Variants in CCT2 observed in about 807,000 individuals in gnomAD.
CCT2 encodes T-complex protein 1 subunit beta.
CCT2 carries 18 observed loss-of-function variants against 61.8 expected under a neutral mutation model. The observed-to-expected ratio is 0.29, with a 90% CI of 0.20 to 0.43. The LOEUF is 0.43. CCT2 is among the 20% of genes least tolerant of loss of function. CCT2 has a pLI of 1.00. For missense variants in CCT2, 556 were observed against 656.9 expected (o/e 0.85, Z 1.68); for synonymous variants, 248 against 215.9 (o/e 1.15, Z -1.30).
chr12:69,586,349 G>A lies in CCT2; in HGVS notation c.78+5G>A. On this transcript the variant is annotated splice_donor_5th_base_variant and intron_variant, in intron 2 of 15. Transcript: ENST00000299300. ...AGAGCAGAGACAGCTCGTCTGGTAAGCCTTGTTCTAAGCATTGTTTTAAAG... is the reference window on the plus strand; with the variant it reads ...AGAGCAGAGACAGCTCGTCTGGTAAACCTTGTTCTAAGCATTGTTTTAAAG... The A allele has an allele frequency of 6.2e-7, 1 of 1,603,130 alleles. No homozygotes were observed. The highest frequency in any genetic ancestry group is 8.5e-7 in the Non-Finnish European group (1 of 1,170,162).
chr12:69,586,711 C>A, intron 2 of CCT2, 42 bp from the exon 3 acceptor site: 1 of 1,340,618 alleles, frequency 7.5e-7, no homozygotes, highest in Non-Finnish European at 1.0e-6. Flanking sequence ...TACTTGAAGA[C>A]TGTAAAGTTG....
chr12:69,589,698 A>G lies in CCT2; in HGVS notation c.649+11A>G, dbSNP rs776086842. ...CCTATTTAGATGAAGGTATGTATGAATGTCAGATACAAGAAGCTTTGATTA... is the reference window on the plus strand; with the variant it reads ...CCTATTTAGATGAAGGTATGTATGAGTGTCAGATACAAGAAGCTTTGATTA... On this transcript the variant is annotated intron_variant, in intron 7 of 15. Transcript: ENST00000299300. The G allele has an allele frequency of 1.3e-6, 2 of 1,599,936 alleles. No homozygotes were observed. Among genetic ancestry groups the G allele is most frequent in the African/African-American group, 2.7e-5 (2 of 74,782 alleles).
Position 69,587,920 on chromosome 12 carries a change from C to T in CCT2, c.257-10C>T. On this transcript the variant is annotated splice_polypyrimidine_tract_variant and intron_variant, in intron 4 of 15. Coordinates refer to ENST00000299300, the MANE Select transcript of CCT2 (RefSeq NM_006431.3). ...GCAATTTTGAGTTAATAACTAATTT[C>T]TTTTTCTAGATATGTCAAGGGTTCA... 1 of 1,603,444 alleles carries T rather than the reference C, an allele frequency of 6.2e-7. No homozygotes were observed. The highest frequency in any genetic ancestry group is 1.1e-5 in the South Asian group (1 of 90,608).
chr12:69,595,807 C>T (rs1881972582), intron 10 of CCT2, among the ~76,000 whole-genome samples: 1 of 151,656 alleles, frequency 6.6e-6, no homozygotes, highest in Non-Finnish European at 1.5e-5. Flanking sequence ...TTATTAAGTA[C>T]ACCAACTGTA....
intron 6 of CCT2, 124 bp downstream of exon 6, chr12:69,588,386 C>A: frequency 1.4e-6 from 1 of 691,242 alleles, no homozygotes; most frequent in Non-Finnish European, 2.5e-6. Flanking sequence ...CACCCCACTC[C>A]AACAGTCAAA....
intron 8 of CCT2, chr12:69,592,491 T>TA: frequency 1.1e-5 from 1 of 87,266 alleles, no homozygotes; most frequent in Non-Finnish European, 1.9e-5. Flanking sequence ...CTCAAAAGTC[T>TA]CAAAAAAAAA....
In CCT2 at chr12:69,589,602, C is replaced by A. The variant is rs2135851669; in HGVS notation, c.564C>A (p.Leu188=). Residue 188 remains leucine (L), a synonymous_variant, in exon 7 of 16, where the codon CTC becomes CTA. Coordinates refer to ENST00000299300, the MANE Select transcript of CCT2 (RefSeq NM_006431.3). The stretch of plus-strand genomic sequence containing the variant: ...CAAAGTTAGCTGTAGAAGCAGTTCT[C>A]AGACTGAAAGGCTCTGGCAACCTGG... ...HFTKLAVEAV[L]RLKGSGNLEA... 1.9e-6 allele frequency: 3 copies of A among 1,614,116 alleles called. No individual in the cohort carries two copies. Among genetic ancestry groups the A allele is most frequent in the Non-Finnish European group, 2.5e-6 (3 of 1,180,004 alleles).
chr12:69,592,026 TTAAA>T, intron 7 of CCT2, 29 bp from the exon 8 acceptor site: 1 of 1,192,822 alleles, frequency 8.4e-7, no homozygotes, highest in Non-Finnish European at 1.2e-6. Context: ...CTTTGAAGTA[TTAAA>T]TATGATACTG....
At chr12:69,587,352 G>A (rs938779491) in intron 3 of CCT2, among the ~76,000 whole-genome samples, 153 bp from the exon 4 acceptor site, 4 of 152,188 alleles carry the variant, frequency 2.6e-5, no homozygotes, top group Non-Finnish European at 2.9e-5. Context: ...GTTTGGTTAC[G>A]TGGTGTATGT....
chr12:69,589,888 T>G, intron 7 of CCT2: 21 of 575,874 alleles, frequency 3.6e-5, no homozygotes, highest in East Asian at 8.7e-5. Flanking sequence ...TGATGATCTC[T>G]AGAGTTTACT....
intron 14 of CCT2, 178 bp from the exon 15 acceptor site, chr12:69,599,685 C>T (rs1209487166): frequency 4.5e-6 from 2 of 444,684 alleles, no homozygotes; most frequent in Non-Finnish European, 7.8e-6. Context: ...CTGCACCCGG[C>T]CCCTTTTAAT....
At chr12:69,586,583 G>A (rs474554) in intron 2 of CCT2, among the ~76,000 whole-genome samples, 170 bp from the exon 3 acceptor site, 6 of 151,854 alleles carry the variant, frequency 4.0e-5, no homozygotes, top group Admixed American at 6.6e-5. Context: ...CAGGAGGATC[G>A]CTTGAACCCA....
At chr12:69,590,320 C>G (rs1881796785) in intron 7 of CCT2, among the ~76,000 whole-genome samples, 1 of 152,052 alleles carries the variant, frequency 6.6e-6, no homozygotes, top group Non-Finnish European at 1.5e-5. Flanking sequence ...CCTTCGTATA[C>G]TGGGGGATGA....
At chr12:69,586,667 CAA>C (rs371280517) in intron 2 of CCT2, 84 bp from the exon 3 acceptor site, 8,309 of 784,394 alleles carry the variant, frequency 0.011, no homozygotes, top group South Asian at 0.018. Flanking sequence ...CACTCTGCCT[CAA>C]AAAAAAAAAA....
rs1462274094 is a variant in CCT2 at position 69,587,570 on chromosome 12, T to C, written c.210T>C (p.Ile70=). The change falls in exon 4 of 16, where the codon ATT becomes ATC. Residue 70 remains isoleucine (I), a synonymous_variant. Transcript: ENST00000299300. ...SLMVTNDGAT[I]LKNIGVDNPA... ...TGGTAACCAATGATGGTGCCACTAT[T>C]CTAAAAAACATTGGTGTTGACAATC... The C allele has an allele frequency of 6.2e-7, 1 of 1,613,872 alleles. No individual in the cohort carries two copies. Among genetic ancestry groups the C allele is most frequent in the Admixed American group, 1.7e-5 (1 of 60,016 alleles).
chr12:69,597,951 G>A lies in CCT2; in HGVS notation c.1232-17G>A. ...CAACTAAGCATTGCAATATTTTATTGGAATTTTAATCTTTAGGCTGTTCTG... is the reference window on the plus strand; with the variant it reads ...CAACTAAGCATTGCAATATTTTATTAGAATTTTAATCTTTAGGCTGTTCTG... On this transcript the variant is annotated splice_polypyrimidine_tract_variant and intron_variant, in intron 12 of 15. Coordinates refer to ENST00000299300, the MANE Select transcript of CCT2 (RefSeq NM_006431.3). 6.3e-7 allele frequency: 1 copy of A among 1,598,564 alleles called. No homozygotes were observed. The highest frequency in any genetic ancestry group is 8.6e-7 in the Non-Finnish European group (1 of 1,167,784).
At chr12:69,599,711 C>A in intron 14 of CCT2, 152 bp from the exon 15 acceptor site, 7 of 516,868 alleles carry the variant, frequency 1.4e-5, no homozygotes, top group East Asian at 6.8e-5. Flanking sequence ...TAAAGGCTTT[C>A]TTTGAGCTCA....
chr12:69,593,457 A>G (rs1881896888), intron 9 of CCT2, 53 bp from the exon 10 acceptor site: 2 of 1,165,446 alleles, frequency 1.7e-6, no homozygotes, highest in Non-Finnish European at 2.5e-6. Context: ...AGTCTAATGT[A>G]GTTTATCTTG....
At chr12:69,587,419 C>A in intron 3 of CCT2, 86 bp from the exon 4 acceptor site, 2 of 779,038 alleles carry the variant, frequency 2.6e-6, no homozygotes, top group South Asian at 1.6e-5. Context: ...TGTTTATACA[C>A]TAGCACTGTG....
Sources: gnomAD v4.1 joint callset for allele counts (sites outside exome capture counted in the v4.1 genomes callset) on GRCh38, gnomAD v4.1.1 for gene constraint, MANE v1.5 for transcripts, NCBI Gene and HGNC (gene_info 2026-07-23, HGNC 2026-07-21) for gene names.